Variants in DRC7 observed in about 807,000 individuals in gnomAD.
DRC7 encodes coiled-coil domain containing 135.
DRC7 carries 80 observed loss-of-function variants against 104.4 expected under a neutral mutation model. The ratio of observed to expected loss-of-function variants is 0.77; its 90% CI spans 0.64 to 0.92. The LOEUF is 0.92. DRC7 is among the 40% of genes least tolerant of loss of function. DRC7 has a pLI of 0.00. For synonymous variants in DRC7, 405 were observed against 447.3 expected (o/e 0.91, Z 1.19); for missense variants, 1,034 against 1,141.1 (o/e 0.91, Z 1.35).
intron 6 of DRC7, among the ~76,000 whole-genome samples, chr16:57,704,125 C>T (rs1459728174): frequency 1.3e-5 from 2 of 152,094 alleles, no homozygotes; most frequent in African/African-American, 2.4e-5. Flanking sequence ...GTGCTTGTTG[C>T]TCCCCACGAT....
In DRC7 at chr16:57,730,970, G is replaced by C; in HGVS notation, c.2431G>C (p.Glu811Gln). The change falls in exon 18 of 19, where the codon GAG becomes CAG. Residue 811 changes from glutamate (E) to glutamine (Q), a missense_variant. Coordinates refer to ENST00000360716, the MANE Select transcript of DRC7 (RefSeq NM_001289162.2). Reference sequence around the variant, plus strand: ...GCAAAAGAAGCAGCAGTGGTACCAGGAGAACCAGGTGACGCTGACACCCGA... The same window carrying C: ...GCAAAAGAAGCAGCAGTGGTACCAGCAGAACCAGGTGACGCTGACACCCGA... ...ELQKKQQWYQ[E>Q]NQVTLTPEDE... 7 of 1,613,584 alleles carry C rather than the reference G, an allele frequency of 4.3e-6. No homozygotes were observed. Among genetic ancestry groups the C allele is most frequent in the Non-Finnish European group, 5.9e-6 (7 of 1,179,972 alleles).
intron 8 of DRC7, among the ~76,000 whole-genome samples, chr16:57,708,464 C>T (rs1397192018): frequency 6.6e-6 from 1 of 152,114 alleles, no homozygotes; most frequent in African/African-American, 2.4e-5. Context: ...TTATTACTTT[C>T]CATTATTTGA....
intron 8 of DRC7, among the ~76,000 whole-genome samples, chr16:57,710,970 G>A (rs1406944333): frequency 6.6e-6 from 1 of 152,166 alleles, no homozygotes; most frequent in Non-Finnish European, 1.5e-5. Flanking sequence ...GCCAGGTTTT[G>A]GTATCACAGT....
chr16:57,729,417 AATGGATGGATGGGTGGATAG>A (rs1328000873), intron 17 of DRC7, among the ~76,000 whole-genome samples: 1 of 91,542 alleles, frequency 1.1e-5, no homozygotes, highest in Non-Finnish European at 2.1e-5. Context: ...TGGATGGATG[AATGGATGGATGGGTGGATAG>A]ATGGATGGAT....
At chr16:57,713,537 A>G (rs2048810099) in intron 8 of DRC7, among the ~76,000 whole-genome samples, 1 of 152,182 alleles carries the variant, frequency 6.6e-6, no homozygotes, top group Admixed American at 6.6e-5. Context: ...TTTGTCTGAT[A>G]TTAATATAGC....
chr16:57,696,317 A>T (rs2048591788), intron 1 of DRC7, 147 bp from the exon 2 acceptor site: 1 of 152,280 alleles, frequency 6.6e-6, no homozygotes, highest in Non-Finnish European at 1.5e-5. Context: ...CCTGCCGTCC[A>T]TAGCAGGCAG....
chr16:57,718,427 T>A lies in DRC7; in HGVS notation c.1158T>A (p.Thr386=). The change falls in exon 9 of 19, where the codon ACT becomes ACA. Residue 386 remains threonine (T), a synonymous_variant. Transcript: ENST00000360716. The part of the protein sequence containing the change: ...LGTDKSQLSL[T]EEDDSGINDE... ...CTGATAAGTCTCAGCTGTCCTTGACTGAAGAAGACGACAGTGGGATAAACG... is the reference window on the plus strand; with the variant it reads ...CTGATAAGTCTCAGCTGTCCTTGACAGAAGAAGACGACAGTGGGATAAACG... 6.2e-7 allele frequency: 1 copy of A among 1,614,126 alleles called. No homozygotes were observed. Among genetic ancestry groups the A allele is most frequent in the Non-Finnish European group, 8.5e-7 (1 of 1,179,986 alleles).
At chr16:57,726,704 T>C (rs541838053) in intron 14 of DRC7, 128 bp from the exon 15 acceptor site, 3 of 608,360 alleles carry the variant, frequency 4.9e-6, no homozygotes, top group Non-Finnish European at 8.9e-6. Flanking sequence ...AAATTAAGGC[T>C]CAGAGAGGTT....
At chr16:57,715,846 C>A (rs1339179158) in intron 8 of DRC7, among the ~76,000 whole-genome samples, 1 of 152,170 alleles carries the variant, frequency 6.6e-6, no homozygotes. Flanking sequence ...GCCTGAATGT[C>A]CTCATCTCAT....
In DRC7 at chr16:57,726,202, G is replaced by A. The variant is rs1291365433; in HGVS notation, c.1893G>A (p.Lys631=). 5 of 1,613,188 alleles carry A rather than the reference G, an allele frequency of 3.1e-6. No individual in the cohort carries two copies. The highest frequency in any genetic ancestry group is 2.5e-6 in the Non-Finnish European group (3 of 1,179,988). The change falls in exon 14 of 19, where the codon AAG becomes AAA. Residue 631 remains lysine (K), a synonymous_variant. Transcript: ENST00000360716. Reference sequence around the variant, plus strand: ...GTGAGGACCACATCACGGCCTCCAAGCGCGAGTTCCTGCGGCGCACCGAGG... The same window carrying A: ...GTGAGGACCACATCACGGCCTCCAAACGCGAGTTCCTGCGGCGCACCGAGG... The part of the protein sequence containing the change: ...HCREDHITAS[K]REFLRRTEVD...
In DRC7 at chr16:57,726,787, G is replaced by T. The variant is rs146031795; in HGVS notation, c.1975-45G>T. The stretch of plus-strand genomic sequence containing the variant: ...TTGAACCCAGGTGGTCCTATGCCCC[G>T]ATCATGGCAGCCTCTCTGTGTTACT... On this transcript the variant is annotated intron_variant, in intron 14 of 18. Coordinates refer to ENST00000360716, the MANE Select transcript of DRC7 (RefSeq NM_001289162.2). 3 of 1,318,278 alleles carry T rather than the reference G, an allele frequency of 2.3e-6. No homozygotes were observed. The South Asian group carries it at 3.7e-5, about 16-fold the overall frequency. 81.7% of individuals were successfully genotyped at this position (1,318,278 alleles called of 1,614,324 possible). A position where few individuals can be genotyped will look rare whatever the true frequency, so the allele number is the denominator to read the frequency against.
intron 17 of DRC7, among the ~76,000 whole-genome samples, chr16:57,729,122 G>A (rs1033229681): frequency 7.2e-6 from 1 of 139,296 alleles, no homozygotes; most frequent in Non-Finnish European, 1.5e-5. Flanking sequence ...GGATGAGTGG[G>A]TGGGTAGATG....
rs55645458 is a variant in DRC7 at position 57,698,100 on chromosome 16, G to C, written c.151G>C (p.Asp51His). Residue 51 changes from aspartate to histidine, a missense_variant, in exon 3 of 19, where the codon GAC becomes CAC. Physicochemically the swap from Asp to His is moderately conservative, Grantham distance 81. Coordinates refer to ENST00000360716, the MANE Select transcript of DRC7 (RefSeq NM_001289162.2). The part of the protein sequence containing the change: ...EITLKQETLR[D>H]LEKKLSEIQI... The stretch of plus-strand genomic sequence containing the variant: ...CACCTTAAAGCAGGAGACGCTCAGA[G>C]ACCTGGAGAAGAAGCTGTCAGAGAT... 3.7e-6 allele frequency: 6 copies of C among 1,614,060 alleles called. No homozygotes were observed.
intron 17 of DRC7, among the ~76,000 whole-genome samples, chr16:57,729,719 T>G (rs2049029822): frequency 1.3e-5 from 1 of 76,088 alleles, no homozygotes; most frequent in Non-Finnish European, 2.4e-5. Flanking sequence ...GATGGATGGA[T>G]GGGTGAGTGG....
chr16:57,709,775 G>T (rs998648934), intron 8 of DRC7, among the ~76,000 whole-genome samples: 2 of 152,026 alleles, frequency 1.3e-5, no homozygotes, highest in Non-Finnish European at 2.9e-5. Context: ...CCCAAAAGAA[G>T]ATTTTTATTT....
At chr16:57,721,783 T>C in intron 10 of DRC7, 44 bp downstream of exon 10, 2 of 1,498,192 alleles carry the variant, frequency 1.3e-6, no homozygotes, top group Non-Finnish European at 9.3e-7. Context: ...CAGATCCAGT[T>C]CCTGGGCCTC....
intron 8 of DRC7, among the ~76,000 whole-genome samples, chr16:57,717,590 T>C (rs1470422194): frequency 6.6e-6 from 1 of 151,300 alleles, no homozygotes; most frequent in Non-Finnish European, 1.5e-5. Context: ...TCCCAGCTAC[T>C]CAGGAGGCTG....
intron 10 of DRC7, 88 bp from the exon 11 acceptor site, chr16:57,722,625 G>A (rs1212495179): frequency 1.2e-5 from 19 of 1,551,740 alleles, no homozygotes; most frequent in African/African-American, 2.7e-5. Flanking sequence ...CACAGAGAAC[G>A]GGCAGTGGAT....
chr16:57,698,767 G>A (rs2048624872), intron 3 of DRC7, 83 bp from the exon 4 acceptor site: 1 of 1,359,394 alleles, frequency 7.4e-7, no homozygotes, highest in Non-Finnish European at 1.0e-6. Flanking sequence ...TGAGGAAGGG[G>A]TAGAGCCAAT....
Sources: gnomAD v4.1 joint callset for allele counts (sites outside exome capture counted in the v4.1 genomes callset) on GRCh38, gnomAD v4.1.1 for gene constraint, MANE v1.5 for transcripts, NCBI Gene and HGNC (gene_info 2026-07-23, HGNC 2026-07-21) for gene names.